The following MIB1 variants were observed in gnomAD, a reference collection of about 807,000 sequenced individuals.
MIB1 encodes the protein E3 ubiquitin-protein ligase MIB1.
In MIB1, 278 loss-of-function variants were observed where a neutral mutation model predicts 124.5. The ratio of observed to expected loss-of-function variants is 2.23; its 90% CI spans 2.02 to 2.47. The LOEUF is 2.47. Among genes scored for constraint, MIB1 ranks in the 30% most tolerant of loss-of-function variants. The pLI is 0.00. For synonymous variants in MIB1, 446 were observed against 429.4 expected, an observed-to-expected ratio of 1.04 and a Z score of -0.48; for missense variants, 957 against 1,254.4, an observed-to-expected ratio of 0.76 and a Z score of 3.58.
chr18:21,785,961 T>TG (rs2041429963), intron 6 of MIB1, among the ~76,000 whole-genome samples: 1 of 152,246 alleles, frequency 6.6e-6, no homozygotes, highest in African/African-American at 2.4e-5. Flanking sequence ...TGGTTTCTGC[T>TG]GAAAGGTCTG....
intron 2 of MIB1, among the ~76,000 whole-genome samples, chr18:21,766,264 C>T (rs1251057365): frequency 6.6e-6 from 1 of 152,158 alleles, no homozygotes; most frequent in Non-Finnish European, 1.5e-5. Context: ...GCCTTCTAGT[C>T]TGTTAATTGA....
At chr18:21,769,308 G>A (rs2041199502) in intron 3 of MIB1, among the ~76,000 whole-genome samples, 1 of 152,168 alleles carries the variant, frequency 6.6e-6, no homozygotes, top group African/African-American at 2.4e-5. Flanking sequence ...AGGAGAGTGG[G>A]AATGTCATCA....
intron 1 of MIB1, among the ~76,000 whole-genome samples, chr18:21,743,064 C>T (rs2040872783): frequency 6.6e-6 from 1 of 152,194 alleles, no homozygotes; most frequent in Non-Finnish European, 1.5e-5. Flanking sequence ...TTACAGGAGT[C>T]AGCCACAAGG....
chr18:21,799,296 C>G (rs1429382159), intron 8 of MIB1, among the ~76,000 whole-genome samples: 1 of 151,986 alleles, frequency 6.6e-6, no homozygotes, highest in African/African-American at 2.4e-5. Flanking sequence ...TTGTTTTTGT[C>G]AAAACCAATC....
chr18:21,858,731 A>G, intron 20 of MIB1, 85 bp downstream of exon 20: 2 of 745,554 alleles, frequency 2.7e-6, no homozygotes, highest in South Asian at 1.6e-5. Flanking sequence ...TGTAATAAGT[A>G]TGGTTTATAT....
intron 1 of MIB1, among the ~76,000 whole-genome samples, chr18:21,710,262 A>ATTTTTGTAT (rs1000992738): frequency 3.9e-5 from 6 of 151,934 alleles, no homozygotes; most frequent in Non-Finnish European, 5.9e-5. Context: ...CGCCCAGCTA[A>ATTTTTGTAT]TTTTTGTATT....
At chr18:21,751,278 T>TA (rs1398389725) in intron 1 of MIB1, among the ~76,000 whole-genome samples, 1 of 152,094 alleles carries the variant, frequency 6.6e-6, no homozygotes, top group Non-Finnish European at 1.5e-5. Flanking sequence ...ATTATTATTA[T>TA]TTTATTTATT....
intron 1 of MIB1, among the ~76,000 whole-genome samples, chr18:21,716,863 C>G (rs180739919): frequency 6.6e-6 from 1 of 151,854 alleles, no homozygotes; most frequent in Admixed American, 6.6e-5. Context: ...AAAAAAAAAG[C>G]TCCACTTAAA....
intron 7 of MIB1, among the ~76,000 whole-genome samples, chr18:21,797,541 A>G (rs1328683749): frequency 6.6e-6 from 1 of 152,122 alleles, no homozygotes; most frequent in African/African-American, 2.4e-5. Flanking sequence ...AAGAAGAGTG[A>G]AAACCTATGG....
intron 11 of MIB1, among the ~76,000 whole-genome samples, chr18:21,816,864 G>A (rs1162876486): frequency 6.6e-6 from 1 of 152,134 alleles, no homozygotes; most frequent in Admixed American, 6.5e-5. Flanking sequence ...GTAAGTGGGA[G>A]GCAGGATTGG....
In MIB1 at chr18:21,717,548, A is replaced by AG. The variant is rs1423074819; in HGVS notation, n.167+12426dup. On this transcript the variant is annotated intron_variant and non_coding_transcript_variant, in intron 1 of 20. Transcript: ENST00000578646. ...TACAATGAACTCAAACAAATTAGCA[A>AG]GAAAAAAAACAAACAATCCCATCAA... 2.6e-5 allele frequency among the ~76,000 whole-genome samples: 4 copies of AG among 152,038 alleles called. No homozygotes were observed. The East Asian group carries it at 7.7e-4, about 29-fold the overall frequency.
chr18:21,732,829 G>A (rs2040778402), intron 1 of MIB1, among the ~76,000 whole-genome samples: 1 of 152,238 alleles, frequency 6.6e-6, no homozygotes, highest in Non-Finnish European at 1.5e-5. Context: ...CCTTGTTTGA[G>A]GAGAGGAATG....
At chr18:21,794,007 C>T (rs1219480453) in intron 7 of MIB1, 5 of 148,398 alleles carry the variant, frequency 3.4e-5, no homozygotes, top group African/African-American at 1.3e-4. Flanking sequence ...AGGATGTGAC[C>T]TCCTGGGTGA....
intron 7 of MIB1, among the ~76,000 whole-genome samples, chr18:21,796,397 G>C (rs201546321): frequency 4.6e-5 from 7 of 151,950 alleles, no homozygotes; most frequent in South Asian, 2.1e-4. Context: ...CTGTCAGGGT[G>C]GGGGGCAAGG....
intron 18 of MIB1, among the ~76,000 whole-genome samples, chr18:21,856,240 A>AAAAAAAAAAAAC (rs5823316): frequency 7.4e-6 from 1 of 135,446 alleles, no homozygotes; most frequent in African/African-American, 2.7e-5. Flanking sequence ...CCGTCTCAAA[A>AAAAAAAAAAAAC]AAAAAACAAA....
chr18:21,791,834 C>G (rs543114356), intron 7 of MIB1, among the ~76,000 whole-genome samples: 2 of 152,234 alleles, frequency 1.3e-5, no homozygotes, highest in East Asian at 3.9e-4. Context: ...TTTTCTGATA[C>G]TTAACCCCAG....
intron 1 of MIB1, among the ~76,000 whole-genome samples, chr18:21,759,474 CT>C (rs1266144005): frequency 6.6e-6 from 1 of 151,998 alleles, no homozygotes; most frequent in Non-Finnish European, 1.5e-5. Context: ...AATTCCTGAC[CT>C]CTTGATCCGC....
upstream of MIB1, among the ~76,000 whole-genome samples, chr18:21,737,248 A>C (rs960229979): frequency 6.6e-6 from 1 of 152,192 alleles, no homozygotes; most frequent in Non-Finnish European, 1.5e-5. Flanking sequence ...AAAGAAAAGA[A>C]TTTTCAACCC....
At chr18:21,744,690 A>G (rs2040893113) in intron 1 of MIB1, among the ~76,000 whole-genome samples, 1 of 152,138 alleles carries the variant, frequency 6.6e-6, no homozygotes, top group South Asian at 2.1e-4. Context: ...TTCATGATTA[A>G]ATTCAGATTA....
Sources: gnomAD v4.1 joint callset for allele counts (sites outside exome capture counted in the v4.1 genomes callset) on GRCh38, gnomAD v4.1.1 for gene constraint, MANE v1.5 for transcripts, NCBI Gene and HGNC (gene_info 2026-07-23, HGNC 2026-07-21) for gene names.